AXIN1: variants seen among roughly 807,000 people sequenced by gnomAD.
AXIN1 encodes the protein axin 1.
AXIN1 carries 30 observed loss-of-function variants against 76.4 expected under a neutral mutation model. The observed-to-expected ratio is 0.39, with a 90% CI of 0.29 to 0.53. The LOEUF (loss-of-function observed/expected upper bound fraction) is 0.53. Among genes scored for constraint, AXIN1 ranks in the 20% least tolerant of loss-of-function variants. The pLI is 0.66. For synonymous variants in AXIN1, 545 were observed against 501.4 expected (o/e 1.09, Z -1.16); for missense variants, 1,140 against 1,198.8 (o/e 0.95, Z 0.72).
In AXIN1 at chr16:304,424, C is replaced by G. The variant is rs201968411; in HGVS notation, c.1134G>C (p.Pro378=). 1.2e-6 allele frequency: 2 copies of G among 1,612,742 alleles called. No homozygotes were observed. The highest frequency in any genetic ancestry group is 4.5e-5 in the East Asian group (2 of 44,890). Residue 378 remains proline, a synonymous_variant, in exon 5 of 11, where the codon CCG becomes CCC. Transcript: ENST00000262320. ...TCTGAGGCTCCACGCGGACCTCCTT[C>G]GGCACCCGGTACGTGCGCTGCGAGG... ...LPHIPRTYRV[P]KEVRVEPQKF...
intron 5 of AXIN1, among the ~76,000 whole-genome samples, chr16:299,562 C>T (rs2052811964): frequency 6.6e-6 from 1 of 152,068 alleles, no homozygotes; most frequent in South Asian, 2.1e-4. Flanking sequence ...ACCATGTTGG[C>T]CAGGCTGGTC....
At chr16:314,990 C>G (rs1266485846) in intron 2 of AXIN1, among the ~76,000 whole-genome samples, 2 of 152,208 alleles carry the variant, frequency 1.3e-5, no homozygotes, top group Non-Finnish European at 2.9e-5. Context: ...GTGCACGGTA[C>G]TAGAAATGGG....
chr16:291,544 A>G lies in AXIN1; in HGVS notation c.2187-247T>C, dbSNP rs1212481224. The G allele has an allele frequency of 4.4e-5, 25 of 570,512 alleles. No homozygotes were observed. In the South Asian group the frequency reaches 4.4e-4, roughly 10 times the overall value. The allele number at this position is 570,512 out of a possible 1,614,324, so 35.3% of individuals were successfully genotyped here. A position where few individuals can be genotyped will look rare whatever the true frequency, so the allele number is the denominator to read the frequency against. ...GGCACCAACCCCCTGAGTTCCCTGGACCGCACTTTGGGGAGCTTCCGATCA... is the reference window on the plus strand; with the variant it reads ...GGCACCAACCCCCTGAGTTCCCTGGGCCGCACTTTGGGGAGCTTCCGATCA... On this transcript the variant is annotated intron_variant, in intron 8 of 10. Coordinates refer to ENST00000262320, the MANE Select transcript of AXIN1 (RefSeq NM_003502.4).
intron 1 of AXIN1, among the ~76,000 whole-genome samples, chr16:351,192 C>T (rs553268128): frequency 2.2e-4 from 34 of 151,368 alleles, no homozygotes; most frequent in African/African-American, 8.3e-4. Context: ...CCGGTTTAGA[C>T]TGTGTTTTCT....
At chr16:322,078 G>A (rs979200288) in intron 2 of AXIN1, among the ~76,000 whole-genome samples, 8 of 152,314 alleles carry the variant, frequency 5.3e-5, no homozygotes, top group East Asian at 3.9e-4. Flanking sequence ...GGAGGTGGCC[G>A]CACAGACCCA....
At position 297,967 on chromosome 16, in the gene AXIN1, G is replaced by T; in HGVS notation, c.1539C>A (p.His513Gln). 1 of 1,602,054 alleles carries T rather than the reference G, an allele frequency of 6.2e-7. No individual in the cohort carries two copies. The highest frequency in any genetic ancestry group is 8.5e-7 in the Non-Finnish European group (1 of 1,177,186). Residue 513 changes from histidine to glutamine, a missense_variant, in exon 6 of 11, where the codon CAC becomes CAA. By Grantham distance (24) the His-to-Gln change is conservative. This residue lies in a region of AXIN1 where 708 missense variants were observed against 776.9 expected (regional missense o/e 0.91). Transcript: ENST00000262320. Reference protein sequence around the residue: ...PVALGGAASGHGKHVPKSGAK... With the variant: ...PVALGGAASGQGKHVPKSGAK... ...CCCCTGACTTGGGTACGTGCTTCCC[G>T]TGCCCCGAGGCGGCACCCCCCAGTG...
intron 2 of AXIN1, among the ~76,000 whole-genome samples, chr16:340,675 G>C (rs1048185347): frequency 6.6e-6 from 1 of 152,264 alleles, no homozygotes; most frequent in Non-Finnish European, 1.5e-5. Context: ...AAAGACCCGA[G>C]GGTGCAGAAA....
chr16:344,803 AATCGT>A (rs2054001898), intron 2 of AXIN1, among the ~76,000 whole-genome samples: 1 of 152,162 alleles, frequency 6.6e-6, no homozygotes, highest in Non-Finnish European at 1.5e-5. Context: ...GTCCATCTTA[AATCGT>A]ATCACTTAGA....
chr16:310,805 G>C (rs2141577752), intron 3 of AXIN1, among the ~76,000 whole-genome samples: 1 of 152,376 alleles, frequency 6.6e-6, no homozygotes, highest in South Asian at 2.1e-4. Flanking sequence ...GGAAACGTTT[G>C]CTGGCCCCTG....
chr16:287,826 A>T lies in AXIN1; in HGVS notation c.*296T>A, dbSNP rs958521839. 3 of 506,292 alleles carry T rather than the reference A, an allele frequency of 5.9e-6. No homozygotes were observed. Among genetic ancestry groups the T allele is most frequent in the Admixed American group, 3.2e-5 (1 of 30,894 alleles). The allele number at this position is 506,292 out of a possible 1,614,324, so 31.4% of individuals were successfully genotyped here. The stretch of plus-strand genomic sequence containing the variant: ...ACGTGCCCAAGGGAGGTGCCGGGGG[A>T]TGGGGGGGGGTCACCTGAAGCTGGC... On this transcript the variant is annotated 3_prime_UTR_variant, in exon 11 of 11. Coordinates refer to ENST00000262320, the MANE Select transcript of AXIN1 (RefSeq NM_003502.4).
At chr16:325,228 A>G (rs760358023) in intron 2 of AXIN1, among the ~76,000 whole-genome samples, 1 of 152,202 alleles carries the variant, frequency 6.6e-6, no homozygotes, top group Non-Finnish European at 1.5e-5. Flanking sequence ...CCCTTGGGGA[A>G]ATCCACCTGT....
rs754037633 is a variant in AXIN1, at chr16:288,201, A to T, written c.2510T>A (p.Phe837Tyr). ...VSDEFDCGVVFEEVREDEAVL... is the reference protein window; with the variant it reads ...VSDEFDCGVVYEEVREDEAVL... Reference sequence around the variant, plus strand: ...GGCCTCGTCCTCTCGAACCTCCTCAAACACCACCCCACAGTCAAACTCGTC... The same window carrying T: ...GGCCTCGTCCTCTCGAACCTCCTCATACACCACCCCACAGTCAAACTCGTC... Residue 837 changes from phenylalanine to tyrosine, a missense_variant, in exon 11 of 11, where the codon TTT (phenylalanine) becomes TAT (tyrosine). By Grantham distance (22) the Phe-to-Tyr change is conservative (BLOSUM62 3). Transcript: ENST00000262320. The T allele has an allele frequency of 6.2e-7, 1 of 1,613,660 alleles. No homozygotes were observed. The highest frequency in any genetic ancestry group is 1.1e-5 in the South Asian group (1 of 91,082).
intron 2 of AXIN1, among the ~76,000 whole-genome samples, chr16:327,867 T>G (rs1597084077): frequency 1.3e-5 from 2 of 152,264 alleles, no homozygotes; most frequent in Admixed American, 1.3e-4. Flanking sequence ...CAAAGTGTCC[T>G]GCACATTAGT....
chr16:324,729 G>C (rs1410326875), intron 2 of AXIN1, among the ~76,000 whole-genome samples: 2 of 152,248 alleles, frequency 1.3e-5, no homozygotes, highest in Non-Finnish European at 2.9e-5. Flanking sequence ...CCAATCCTCA[G>C]ACACGGCCAG....
chr16:297,354 G>A (rs2052740294), intron 6 of AXIN1, 128 bp from the exon 7 acceptor site: 1 of 1,252,460 alleles, frequency 8.0e-7, no homozygotes, highest in Non-Finnish European at 1.1e-6. Context: ...GCTGTCCCCT[G>A]CCCGCTTGTC....
intron 2 of AXIN1, among the ~76,000 whole-genome samples, chr16:318,595 A>T (rs1188183051): frequency 6.6e-6 from 1 of 152,202 alleles, no homozygotes; most frequent in African/African-American, 2.4e-5. Flanking sequence ...AGGGGAGGTC[A>T]CATGGGAGTT....
chr16:327,555 A>T (rs1255702645), intron 2 of AXIN1, among the ~76,000 whole-genome samples: 1 of 152,196 alleles, frequency 6.6e-6, no homozygotes, highest in East Asian at 1.9e-4. Context: ...TATGATCAAA[A>T]TCAAACAGTG....
At position 324,407 on chromosome 16, in the gene AXIN1, G is replaced by A. The variant is rs374532886; in HGVS notation, c.879-9724C>T. 7.9e-5 allele frequency among the ~76,000 whole-genome samples: 12 copies of A among 152,334 alleles called. No individual in the cohort carries two copies. The East Asian group carries it at 1.5e-3, about 20-fold the overall frequency. The stretch of plus-strand genomic sequence containing the variant: ...CAGGGCAGAAGCGATATGGAAAGGC[G>A]GGTCAGGCACAGGCCTCACAGGCCC... On this transcript the variant is annotated intron_variant, in intron 2 of 10. Coordinates refer to ENST00000262320, the MANE Select transcript of AXIN1 (RefSeq NM_003502.4).
rs143051298 is a variant in AXIN1, at chr16:293,944, G to A, written c.1956-226C>T. 3.8e-3 allele frequency among the ~76,000 whole-genome samples: 578 copies of A among 152,234 alleles called. 6 individuals carry two copies. Among genetic ancestry groups the A allele is most frequent in the Admixed American group, 0.015 (236 of 15,276 alleles). On this transcript the variant is annotated intron_variant, in intron 7 of 10. Transcript: ENST00000262320. This position sits in a 1 kb window ranked among gnomAD's most constrained non-coding sequence, Gnocchi z 4.6. ...TGTAATCCCAGCATTTCGGGAGGCC[G>A]AGGCGGGCAGATCACCAGAGGTCGG... is the stretch of plus-strand genomic sequence containing the variant.
Sources: gnomAD v4.1 joint callset for allele counts (sites outside exome capture counted in the v4.1 genomes callset) on GRCh38, gnomAD v4.1.1 for gene constraint, gnomAD v4.1.1 regional missense constraint, Gnocchi (gnomAD v3.1) non-coding constraint, MANE v1.5 for transcripts, NCBI Gene and HGNC (gene_info 2026-07-23, HGNC 2026-07-21) for gene names.